TUB: variants seen among roughly 807,000 people sequenced by gnomAD.
TUB encodes the protein tubby protein homolog.
TUB carries 33 observed loss-of-function variants against 59.7 expected under a neutral mutation model. That is an observed-to-expected ratio of 0.55 (90% CI 0.42 to 0.74). The LOEUF (loss-of-function observed/expected upper bound fraction) is 0.74. Ranked by LOEUF, TUB falls within the 30% of genes least tolerant of loss-of-function variation. TUB has a pLI of 0.00. For missense variants in TUB, 659 were observed against 672.0 expected (o/e 0.98, Z 0.21); for synonymous variants, 293 against 256.4 (o/e 1.14, Z -1.36).
intron 2 of TUB, among the ~76,000 whole-genome samples, chr11:8,074,333 C>T (rs1943410887): frequency 6.6e-6 from 1 of 152,132 alleles, no homozygotes. Flanking sequence ...TCACTCTAGG[C>T]ATCTTTGTAT....
rs530839032 is a variant in TUB, at chr11:8,089,829, C to T, written c.90+168C>T. 9.8e-5 allele frequency among the ~76,000 whole-genome samples: 15 copies of T among 152,356 alleles called. No individual in the cohort carries two copies. In the East Asian group the frequency reaches 1.5e-3, roughly 16 times the overall value. ...TCTCCCAGCTCAGCACTAACCCTGCCGCGGCACATGGGCTCCTGCCTTCAG... is the reference window on the plus strand; with the variant it reads ...TCTCCCAGCTCAGCACTAACCCTGCTGCGGCACATGGGCTCCTGCCTTCAG... On this transcript the variant is annotated intron_variant, in intron 2 of 11. Transcript: ENST00000299506.
At chr11:8,031,961 G>C (rs374228261) in intron 1 of TUB, among the ~76,000 whole-genome samples, 1 of 152,168 alleles carries the variant, frequency 6.6e-6, no homozygotes, top group Non-Finnish European at 1.5e-5. Flanking sequence ...GGGCCAGTTC[G>C]GTCCCATCCC....
chr11:8,071,021 G>T (rs1212802894), intron 2 of TUB, among the ~76,000 whole-genome samples: 1 of 152,100 alleles, frequency 6.6e-6, no homozygotes, highest in Non-Finnish European at 1.5e-5. Flanking sequence ...TGTTTTAAGT[G>T]GTTTATATAT....
chr11:8,075,337 A>G (rs920146686), intron 2 of TUB, among the ~76,000 whole-genome samples: 3 of 152,178 alleles, frequency 2.0e-5, no homozygotes, highest in Non-Finnish European at 2.9e-5. Context: ...TGGGCTCTAC[A>G]ATGCTCATCT....
chr11:8,050,954 A>T (rs1174909026), intron 2 of TUB, among the ~76,000 whole-genome samples: 3 of 152,246 alleles, frequency 2.0e-5, no homozygotes, highest in Non-Finnish European at 4.4e-5. Context: ...AAAACAGAGG[A>T]AAAGCTTAAA....
At chr11:8,032,663 C>T (rs1942591862) in intron 1 of TUB, among the ~76,000 whole-genome samples, 1 of 136,794 alleles carries the variant, frequency 7.3e-6, no homozygotes. Flanking sequence ...GGGCACCTAT[C>T]CTCCCTCCTC....
intron 9 of TUB, among the ~76,000 whole-genome samples, chr11:8,099,429 A>G (rs1457798595): frequency 1.3e-5 from 2 of 152,172 alleles, no homozygotes. Context: ...CAACCTGGGC[A>G]TGGGCACTTC....
At chr11:8,086,377 G>A (rs1476363046) in intron 1 of TUB, among the ~76,000 whole-genome samples, 2 of 152,154 alleles carry the variant, frequency 1.3e-5, no homozygotes, top group African/African-American at 2.4e-5. Flanking sequence ...GGCCATCTGG[G>A]TGGGGGCGGA....
intron 2 of TUB, among the ~76,000 whole-genome samples, chr11:8,049,586 G>GATATATATATAT (rs1352319316): frequency 4.1e-5 from 5 of 121,082 alleles, no homozygotes; most frequent in African/African-American, 1.8e-4. Flanking sequence ...TATATAGATA[G>GATATATATATAT]ATAGATAGAT....
rs1451131076 is a variant in TUB at position 8,104,901 on chromosome 11, A to G, written c.*3282A>G. 1 of 150,314 alleles carries G rather than the reference A, an allele frequency of 6.7e-6. No homozygotes were observed. Among genetic ancestry groups the G allele is most frequent in the Non-Finnish European group, 1.5e-5 (1 of 67,638 alleles). 9.3% of individuals were successfully genotyped at this position (150,314 alleles called of 1,614,324 possible). On this transcript the variant is annotated 3_prime_UTR_variant, in exon 12 of 12. Coordinates refer to ENST00000299506, the MANE Select transcript of TUB (RefSeq NM_177972.3). ...GAGCCTGCCTCCTTCAGTGACAAGTAGGGCACAAAATTCTAGAAGCAGAAG... is the reference window on the plus strand; with the variant it reads ...GAGCCTGCCTCCTTCAGTGACAAGTGGGGCACAAAATTCTAGAAGCAGAAG...
intron 2 of TUB, among the ~76,000 whole-genome samples, chr11:8,064,533 G>A (rs1589944172): frequency 6.6e-6 from 1 of 152,178 alleles, no homozygotes; most frequent in African/African-American, 2.4e-5. Context: ...ACATTTGCTG[G>A]GGTCTGGGCC....
intron 1 of TUB, among the ~76,000 whole-genome samples, chr11:8,083,325 G>C (rs1564914579): frequency 6.6e-6 from 1 of 152,140 alleles, no homozygotes; most frequent in Non-Finnish European, 1.5e-5. Context: ...TTATGACGTG[G>C]TTAGGATCTG....
chr11:8,067,148 T>A (rs957009879), intron 2 of TUB, among the ~76,000 whole-genome samples: 1 of 152,148 alleles, frequency 6.6e-6, no homozygotes, highest in African/African-American at 2.4e-5. Flanking sequence ...GCCAATGAGG[T>A]CCAGCTTCTC....
At chr11:8,095,909 C>T (rs184177871) in intron 5 of TUB, among the ~76,000 whole-genome samples, 11 of 152,330 alleles carry the variant, frequency 7.2e-5, no homozygotes, top group African/African-American at 2.6e-4. Context: ...GCTCCTTTTG[C>T]AAGAAGTTTC....
intron 2 of TUB, among the ~76,000 whole-genome samples, chr11:8,065,496 G>A (rs1192956555): frequency 3.3e-5 from 5 of 152,208 alleles, no homozygotes; most frequent in Admixed American, 6.5e-5. Flanking sequence ...GGGGATAGTC[G>A]TACCTGCCTT....
chr11:8,095,522 C>G lies in TUB; in HGVS notation c.422C>G (p.Ala141Gly). The change falls in exon 5 of 12, where the codon GCA becomes GGA. Residue 141 changes from alanine (A) to glycine (G), a missense_variant. Physicochemically the swap from Ala to Gly is moderately conservative, Grantham distance 60 (BLOSUM62 0). This residue lies in a region of TUB where 321 missense variants were observed against 304.3 expected (regional missense o/e 1.05). Transcript: ENST00000299506. Reference sequence around the variant, plus strand: ...GGCACCAGCGGGCCAGCAGCACTGGCAGAAGACAAGTCTGAGGCCCAAGGC... The same window carrying G: ...GGCACCAGCGGGCCAGCAGCACTGGGAGAAGACAAGTCTGAGGCCCAAGGC... ...HKGTSGPAAL[A>G]EDKSEAQGPV... The G allele has an allele frequency of 6.2e-7, 1 of 1,611,850 alleles. No individual in the cohort carries two copies. The highest frequency in any genetic ancestry group is 8.5e-7 in the Non-Finnish European group (1 of 1,179,156).
intron 1 of TUB, among the ~76,000 whole-genome samples, chr11:8,028,828 A>T (rs1458916456): frequency 6.6e-6 from 1 of 152,128 alleles, no homozygotes; most frequent in Non-Finnish European, 1.5e-5. Flanking sequence ...TGGACAACGT[A>T]GTGAGACCCT....
At chr11:8,053,790 C>T (rs534845213) in intron 2 of TUB, among the ~76,000 whole-genome samples, 22 of 149,114 alleles carry the variant, frequency 1.5e-4, no homozygotes, top group Non-Finnish European at 2.5e-4. Flanking sequence ...CGTGAGCCAC[C>T]GTGCCCGGCC....
At position 8,095,664 on chromosome 11, in the gene TUB, G is replaced by C; in HGVS notation, c.564G>C (p.Lys188Asn). The change falls in exon 5 of 12, where the codon AAG becomes AAC. Residue 188 changes from lysine (K) to asparagine (N), a missense_variant and splice_region_variant. Lys to Asn is a moderately conservative substitution (Grantham distance 94, BLOSUM62 0). Around this residue, in one of 3 missense-constraint regions of TUB, gnomAD observed 321 missense variants for 304.3 expected, o/e 1.05. Coordinates refer to ENST00000299506, the MANE Select transcript of TUB (RefSeq NM_177972.3). ...GQDLRATMQR[K>N]GISSSMSFDE... ...ATCTCCGTGCCACGATGCAGAGGAA[G>C]GGTGAGCCCCATGGGGACCCAGTGA... 1.3e-6 allele frequency: 2 copies of C among 1,596,128 alleles called. No homozygotes were observed. Among genetic ancestry groups the C allele is most frequent in the Non-Finnish European group, 1.7e-6 (2 of 1,171,548 alleles).
Sources: gnomAD v4.1 joint callset for allele counts (sites outside exome capture counted in the v4.1 genomes callset) on GRCh38, gnomAD v4.1.1 for gene constraint, gnomAD v4.1.1 regional missense constraint, MANE v1.5 for transcripts, NCBI Gene and HGNC (gene_info 2026-07-23, HGNC 2026-07-21) for gene names.